The following UBOX5 variants were observed in gnomAD, a reference collection of about 807,000 sequenced individuals.
UBOX5 encodes the protein U-box domain containing 5.
A neutral mutation model predicts 39.0 loss-of-function variants in UBOX5; 28 were observed. The observed-to-expected ratio is 0.72, with a 90% CI of 0.53 to 0.98. UBOX5 has a LOEUF of 0.98. Among genes scored for constraint, UBOX5 ranks in the 50% least tolerant of loss-of-function variants. UBOX5 has a pLI of 0.00. For synonymous variants in UBOX5, 283 were observed against 275.5 expected (o/e 1.03, Z -0.27); for missense variants, 585 against 674.4 (o/e 0.87, Z 1.47).
chr20:3,159,005 G>A (rs2066718482), intron 1 of UBOX5, among the ~76,000 whole-genome samples: 1 of 152,194 alleles, frequency 6.6e-6, no homozygotes, highest in Non-Finnish European at 1.5e-5. Context: ...ATGAAGCACT[G>A]TCCAAGGGTC....
intron 1 of UBOX5, chr20:3,147,588 TGA>T: frequency 6.2e-7 from 1 of 1,614,212 alleles, no homozygotes; most frequent in Non-Finnish European, 8.5e-7. Flanking sequence ...AACCCTGGAC[TGA>T]GAGCGAAATC....
intron 1 of UBOX5, chr20:3,150,624 A>G (rs1360767982): frequency 1.3e-5 from 2 of 152,192 alleles, no homozygotes; most frequent in Admixed American, 6.5e-5. Flanking sequence ...AAACTCCATA[A>G]AAGTTCCAAG....
intron 4 of UBOX5, among the ~76,000 whole-genome samples, chr20:3,111,962 T>G (rs1340241300): frequency 2.0e-5 from 3 of 152,130 alleles, no homozygotes; most frequent in Non-Finnish European, 4.4e-5. Flanking sequence ...GGAACTGAAG[T>G]GTTCCTGCCT....
chr20:3,148,543 C>T (rs367640057), intron 1 of UBOX5: 25 of 1,614,032 alleles, frequency 1.5e-5, no homozygotes, highest in Non-Finnish European at 2.1e-5. Flanking sequence ...CAGGATGCTG[C>T]TCTGCAGGCA....
At chr20:3,119,968 A>C (rs1017920941) in intron 3 of UBOX5, among the ~76,000 whole-genome samples, 19 of 152,074 alleles carry the variant, frequency 1.2e-4, no homozygotes, top group Non-Finnish European at 4.4e-5. Context: ...AGGGCTGCTC[A>C]CCTCAGGAGA....
At chr20:3,126,022 C>A (rs183228265) in intron 1 of UBOX5, among the ~76,000 whole-genome samples, 33 of 152,146 alleles carry the variant, frequency 2.2e-4, no homozygotes, top group Non-Finnish European at 4.9e-4. Context: ...GAAGAGACAG[C>A]GAACATCAAG....
Position 3,149,289 on chromosome 20 carries a change from G to T in UBOX5, c.-42+10477C>A. On this transcript the variant is annotated intron_variant, in intron 1 of 4. Transcript: ENST00000217173. The surrounding 1 kb of genome is among the most constrained non-coding windows in gnomAD (Gnocchi z 4.1). The stretch of plus-strand genomic sequence containing the variant: ...AAAAAAGGGTAGATGAAGAATGAGT[G>T]GCTTCTACCTATAAAAGCATCCAAA... The T allele has an allele frequency of 1.8e-6, 1 of 543,008 alleles. No individual in the cohort carries two copies. Among genetic ancestry groups the T allele is most frequent in the Non-Finnish European group, 3.3e-6 (1 of 304,868 alleles). 33.6% of individuals were successfully genotyped at this position (543,008 alleles called of 1,614,324 possible).
intron 1 of UBOX5, chr20:3,146,983 C>A (rs1359067532): frequency 1.9e-6 from 3 of 1,614,188 alleles, no homozygotes; most frequent in African/African-American, 2.7e-5. Context: ...GAACAGCCAG[C>A]TTCATTCTTG....
intron 1 of UBOX5, among the ~76,000 whole-genome samples, chr20:3,159,512 G>A (rs1473369311): frequency 6.6e-6 from 1 of 152,158 alleles, no homozygotes; most frequent in Non-Finnish European, 1.5e-5. Flanking sequence ...CCATTTCACA[G>A]AGGAAAAAAA....
intron 1 of UBOX5, chr20:3,156,572 G>T (rs6139020): frequency 0.1 from 15,868 of 152,130 alleles, 1,656 homozygotes; most frequent in East Asian, 0.41. Context: ...CCCCTTTAGG[G>T]GTCCTAACGA....
Position 3,109,572 on chromosome 20 carries a change from G to A in UBOX5, c.*534C>T. 6.0e-6 allele frequency: 1 copy of A among 168,020 alleles called. No homozygotes were observed. The highest frequency in any genetic ancestry group is 1.6e-4 in the South Asian group (1 of 6,348). The allele number at this position is 168,020 out of a possible 1,614,324, so 10.4% of individuals were successfully genotyped here. ...GGGTGCAGGTGGGCGACAGGAGTGT[G>A]TGACACAGACAGGCACTCCACCAGG... On this transcript the variant is annotated 3_prime_UTR_variant, in exon 5 of 5. Transcript: ENST00000217173.
chr20:3,153,905 G>GT, intron 1 of UBOX5, among the ~76,000 whole-genome samples: 1 of 151,816 alleles, frequency 6.6e-6, no homozygotes. Flanking sequence ...TTTCCTTTGA[G>GT]TATCATGTTG....
intron 1 of UBOX5, among the ~76,000 whole-genome samples, chr20:3,126,823 G>A (rs2066392855): frequency 2.6e-5 from 4 of 151,916 alleles, no homozygotes; most frequent in Admixed American, 1.3e-4. Context: ...ATCACCTGAG[G>A]TCAGGAGTTC....
intron 1 of UBOX5, chr20:3,147,709 C>A: frequency 6.2e-7 from 1 of 1,614,244 alleles, no homozygotes; most frequent in Non-Finnish European, 8.5e-7. Context: ...TCTCACTTAT[C>A]AGGCTGGAGT....
At chr20:3,141,336 C>T (rs997040748) in intron 1 of UBOX5, among the ~76,000 whole-genome samples, 1 of 152,082 alleles carries the variant, frequency 6.6e-6, no homozygotes, top group Non-Finnish European at 1.5e-5. Context: ...ATTGAACAAT[C>T]AGCAAACTAG....
At chr20:3,127,525 A>C (rs1200790809) in intron 1 of UBOX5, among the ~76,000 whole-genome samples, 1 of 152,182 alleles carries the variant, frequency 6.6e-6, no homozygotes, top group Admixed American at 6.5e-5. Flanking sequence ...GAGGAAGGTC[A>C]TATATTGTTT....
intron 1 of UBOX5, 88 bp downstream of exon 1, chr20:3,159,678 G>A (rs890295689): frequency 6.6e-6 from 1 of 152,292 alleles, no homozygotes; most frequent in African/African-American, 2.4e-5. Flanking sequence ...GGCCGGCCGG[G>A]AGGACAGGAG....
intron 1 of UBOX5, among the ~76,000 whole-genome samples, chr20:3,153,556 T>C (rs750968256): frequency 1.1e-4 from 17 of 152,314 alleles, no homozygotes; most frequent in Non-Finnish European, 2.2e-4. Context: ...GCCCACATTA[T>C]TGGTGTACTA....
chr20:3,108,468 C>T lies in UBOX5; in HGVS notation c.*1638G>A. The T allele has an allele frequency of 6.6e-6, 1 of 152,480 alleles. No individual in the cohort carries two copies. The highest frequency in any genetic ancestry group is 1.5e-5 in the Non-Finnish European group (1 of 68,150). 9.4% of individuals were successfully genotyped at this position (152,480 alleles called of 1,614,324 possible). On this transcript the variant is annotated 3_prime_UTR_variant, in exon 5 of 5. Transcript: ENST00000217173. Reference sequence around the variant, plus strand: ...AGGGTAAGACAAGATTCTGGAGAGGCACAGACCCAGAAAGCCAGGGGCACA... The same window carrying T: ...AGGGTAAGACAAGATTCTGGAGAGGTACAGACCCAGAAAGCCAGGGGCACA...
Sources: gnomAD v4.1 joint callset for allele counts (sites outside exome capture counted in the v4.1 genomes callset) on GRCh38, gnomAD v4.1.1 for gene constraint, Gnocchi (gnomAD v3.1) non-coding constraint, MANE v1.5 for transcripts, NCBI Gene and HGNC (gene_info 2026-07-23, HGNC 2026-07-21) for gene names.